NUGGC: variants seen among roughly 807,000 people sequenced by gnomAD.
NUGGC encodes nuclear GTPase SLIP-GC.
Under a neutral mutation model 92.6 loss-of-function variants are expected in NUGGC, and 58 were observed. The observed-to-expected ratio is 0.63, with a 90% CI of 0.51 to 0.78. The LOEUF (loss-of-function observed/expected upper bound fraction) is 0.78, where lower values mean the gene tolerates loss of function less well. Ranked by LOEUF, NUGGC falls within the 30% of genes least tolerant of loss-of-function variation. The pLI is 0.00. For synonymous variants in NUGGC, 376 were observed against 366.4 expected, an observed-to-expected ratio of 1.03 and a Z score of -0.30; for missense variants, 925 against 964.6, an observed-to-expected ratio of 0.96 and a Z score of 0.54.
chr8:28,035,402 C>T (rs957306796), intron 13 of NUGGC, among the ~76,000 whole-genome samples: 1 of 152,182 alleles, frequency 6.6e-6, no homozygotes, highest in African/African-American at 2.4e-5. Context: ...CAGGATTCTC[C>T]TGAGGTTTGG....
intron 7 of NUGGC, among the ~76,000 whole-genome samples, chr8:28,062,756 TC>T (rs1265596092): frequency 6.6e-6 from 1 of 152,068 alleles, no homozygotes; most frequent in East Asian, 1.9e-4. Flanking sequence ...ACCTTCATAT[TC>T]CCCATGGTCC....
At chr8:28,054,940 A>G (rs913046957) in intron 10 of NUGGC, among the ~76,000 whole-genome samples, 1 of 152,096 alleles carries the variant, frequency 6.6e-6, no homozygotes, top group African/African-American at 2.4e-5. Context: ...TAATCCCAGC[A>G]TTTTGGGAGG....
At chr8:28,054,397 G>A (rs554272034) in intron 10 of NUGGC, among the ~76,000 whole-genome samples, 7 of 151,284 alleles carry the variant, frequency 4.6e-5, no homozygotes, top group South Asian at 2.1e-4. Context: ...CAGGAAAATC[G>A]TTTGAACCCA....
chr8:28,023,601 C>G (rs911845349), intron 18 of NUGGC, 139 bp from the exon 19 acceptor site: 2 of 841,884 alleles, frequency 2.4e-6, no homozygotes, highest in Admixed American at 2.9e-5. Context: ...GACATCAAAG[C>G]AGGTGTTCCT....
chr8:28,076,885 C>A (rs1195437799), intron 1 of NUGGC, among the ~76,000 whole-genome samples: 4 of 152,068 alleles, frequency 2.6e-5, no homozygotes, highest in Non-Finnish European at 5.9e-5. Context: ...GTGGCAGGTA[C>A]AAGAAAGCAT....
intron 8 of NUGGC, among the ~76,000 whole-genome samples, chr8:28,058,573 G>T (rs1053002229): frequency 6.6e-6 from 1 of 152,200 alleles, no homozygotes; most frequent in African/African-American, 2.4e-5. Context: ...CACCTGGCTT[G>T]TCCCTTCATG....
chr8:28,031,933 C>T (rs1809427073), intron 14 of NUGGC, among the ~76,000 whole-genome samples: 1 of 152,184 alleles, frequency 6.6e-6, no homozygotes, highest in Admixed American at 6.5e-5. Context: ...GAAAGATGCA[C>T]AATTTTCTGA....
At chr8:28,044,566 G>A (rs1045491661) in intron 12 of NUGGC, among the ~76,000 whole-genome samples, 1 of 152,206 alleles carries the variant, frequency 6.6e-6, no homozygotes, top group African/African-American at 2.4e-5. Context: ...TTCCCGGTTG[G>A]TAGTAAGTTG....
chr8:28,073,122 C>A (rs1810631140), intron 2 of NUGGC, among the ~76,000 whole-genome samples: 1 of 151,638 alleles, frequency 6.6e-6, no homozygotes, highest in African/African-American at 2.4e-5. Context: ...CCGACCTCAG[C>A]TCCCAAGTAG....
At chr8:28,050,728 T>C (rs967018683) in intron 10 of NUGGC, among the ~76,000 whole-genome samples, 2 of 152,028 alleles carry the variant, frequency 1.3e-5, no homozygotes, top group Non-Finnish European at 2.9e-5. Context: ...GGAGAATCAC[T>C]TGAACCCAGG....
chr8:28,035,695 T>C (rs1289496093), intron 13 of NUGGC, among the ~76,000 whole-genome samples: 1 of 152,088 alleles, frequency 6.6e-6, no homozygotes, highest in Admixed American at 6.5e-5. Context: ...TCAGCCCTGA[T>C]TCAACGTGGG....
At chr8:28,042,844 G>A (rs768462836) in intron 12 of NUGGC, among the ~76,000 whole-genome samples, 1 of 152,162 alleles carries the variant, frequency 6.6e-6, no homozygotes, top group Non-Finnish European at 1.5e-5. Context: ...CTCTCGAATC[G>A]ATGTGTGACC....
chr8:28,025,401 G>T (rs999562273), intron 18 of NUGGC, among the ~76,000 whole-genome samples: 1 of 152,204 alleles, frequency 6.6e-6, no homozygotes, highest in Non-Finnish European at 1.5e-5. Context: ...AGCACCATCT[G>T]TCAAGTGCAC....
At chr8:28,052,986 G>T (rs1371296300) in intron 10 of NUGGC, among the ~76,000 whole-genome samples, 1 of 152,050 alleles carries the variant, frequency 6.6e-6, no homozygotes, top group Non-Finnish European at 1.5e-5. Flanking sequence ...ACACCTAAGT[G>T]CTTCATGGGA....
chr8:28,026,486 C>T (rs973537875), intron 18 of NUGGC, among the ~76,000 whole-genome samples: 1 of 152,176 alleles, frequency 6.6e-6, no homozygotes, highest in Non-Finnish European at 1.5e-5. Context: ...TCTCCACCAT[C>T]ACCAGACCAT....
chr8:28,045,871 G>A (rs1809819541), intron 11 of NUGGC, among the ~76,000 whole-genome samples: 1 of 152,086 alleles, frequency 6.6e-6, no homozygotes, highest in Non-Finnish European at 1.5e-5. Flanking sequence ...CAGCAATACT[G>A]CATATTCATT....
rs1695639209 is a variant in NUGGC, at chr8:28,060,508, T to G, written c.1015A>C (p.Lys339Gln). ...AHEDLLNESI[K>Q]ACQRGFCRDV... ...CTACAGAAGCCCCGCTGGCAGGCTT[T>G]GATGCTCTCATTCAGAAGGTCTTCG... The change falls in exon 8 of 19, where the codon AAA becomes CAA. Residue 339 changes from lysine (K) to glutamine (Q), a missense_variant. Transcript: ENST00000413272. 6.2e-7 allele frequency: 1 copy of G among 1,613,778 alleles called. No homozygotes were observed. The highest frequency in any genetic ancestry group is 1.3e-5 in the African/African-American group (1 of 74,908).
chr8:28,046,431 T>C (rs1228558420), intron 11 of NUGGC, among the ~76,000 whole-genome samples: 1 of 152,172 alleles, frequency 6.6e-6, no homozygotes, highest in Non-Finnish European at 1.5e-5. Context: ...ACTGAGTATC[T>C]AGCGCACGCA....
At chr8:28,070,841 G>T (rs1810574113) in intron 2 of NUGGC, among the ~76,000 whole-genome samples, 2 of 150,454 alleles carry the variant, frequency 1.3e-5, no homozygotes, top group South Asian at 2.1e-4. Flanking sequence ...TATATTTTTT[G>T]ATTAGCCAGG....
Sources: gnomAD v4.1 joint callset for allele counts (sites outside exome capture counted in the v4.1 genomes callset) on GRCh38, gnomAD v4.1.1 for gene constraint, MANE v1.5 for transcripts, NCBI Gene and HGNC (gene_info 2026-07-23, HGNC 2026-07-21) for gene names.